TTC6: variants seen among roughly 807,000 people sequenced by gnomAD.
TTC6 encodes tetratricopeptide repeat domain 6.
TTC6 carries 172 observed loss-of-function variants against 210.4 expected under a neutral mutation model. That is an observed-to-expected ratio of 0.82 (90% CI 0.72 to 0.93). The LOEUF (loss-of-function observed/expected upper bound fraction) is 0.93. Among genes scored for constraint, TTC6 ranks in the 40% least tolerant of loss-of-function variants. TTC6 has a pLI of 0.00. For missense variants in TTC6, 2,414 were observed against 2,318.1 expected (o/e 1.04, Z -0.85); for synonymous variants, 804 against 819.6 (o/e 0.98, Z 0.32).
chr14:37,628,299 A>G (rs1189159155), intron 1 of TTC6, among the ~76,000 whole-genome samples: 1 of 152,142 alleles, frequency 6.6e-6, no homozygotes, highest in Non-Finnish European at 1.5e-5. Context: ...AATGATTGCC[A>G]TTCTAACTGG....
intron 29 of TTC6, among the ~76,000 whole-genome samples, chr14:37,835,958 T>C (rs1053238011): frequency 1.3e-5 from 2 of 152,184 alleles, no homozygotes; most frequent in Admixed American, 1.3e-4. Context: ...TACATTTCTC[T>C]GCTCAGAAAG....
intron 1 of TTC6, among the ~76,000 whole-genome samples, chr14:37,646,157 C>A (rs2095701227): frequency 6.6e-6 from 1 of 152,060 alleles, no homozygotes; most frequent in Non-Finnish European, 1.5e-5. Flanking sequence ...GGTAGCAGAC[C>A]AGGCGTATGT....
At chr14:37,822,379 G>T (rs539762520) in intron 26 of TTC6, among the ~76,000 whole-genome samples, 16 of 152,186 alleles carry the variant, frequency 1.1e-4, no homozygotes, top group Middle Eastern at 3.2e-3. Context: ...AGATACTCTT[G>T]AGTAACCTCT....
intron 14 of TTC6, among the ~76,000 whole-genome samples, chr14:37,784,868 C>G (rs1189352300): frequency 2.6e-5 from 4 of 152,152 alleles, no homozygotes; most frequent in Non-Finnish European, 5.9e-5. Flanking sequence ...TTTTATTTCT[C>G]CTTCACCTTT....
chr14:37,764,355 TA>T (rs2095992563), intron 14 of TTC6, among the ~76,000 whole-genome samples: 1 of 152,194 alleles, frequency 6.6e-6, no homozygotes, highest in Non-Finnish European at 1.5e-5. Context: ...GTTCTATTCA[TA>T]ATTGAAAGTG....
exon 15 of TTC6, chr14:37,787,532 G>T (rs772874757): frequency 6.5e-7 from 1 of 1,531,992 alleles, no homozygotes; most frequent in South Asian, 1.2e-5. Context: ...AGATTTTTCT[G>T]CTGCAATTCA....
intron 5 of TTC6, among the ~76,000 whole-genome samples, chr14:37,713,422 G>T (rs1195317911): frequency 6.6e-6 from 1 of 152,162 alleles, no homozygotes; most frequent in African/African-American, 2.4e-5. Flanking sequence ...TATTTTAGTA[G>T]AGACGAGGTT....
At chr14:37,725,161 A>G (rs906266871) in intron 7 of TTC6, among the ~76,000 whole-genome samples, 159 bp downstream of exon 9, 1 of 150,616 alleles carries the variant, frequency 6.6e-6, no homozygotes, top group Admixed American at 6.6e-5. Context: ...GAAGTTATTT[A>G]TATATGTAAA....
rs765253678 is a variant in TTC6, at chr14:37,787,454, CT to C, written c.3267-6del. 1.2e-5 allele frequency: 18 copies of C among 1,480,358 alleles called. No homozygotes were observed. The highest frequency in any genetic ancestry group is 4.9e-5 in the East Asian group (2 of 40,442). 91.7% of individuals were successfully genotyped at this position (1,480,358 alleles called of 1,614,324 possible). A position where few individuals can be genotyped will look rare whatever the true frequency, so the allele number is the denominator to read the frequency against. On this transcript the variant is annotated splice_polypyrimidine_tract_variant and intron_variant, in intron 14 of 30. Coordinates refer to ENST00000553443, the Ensembl canonical transcript of TTC6. ...ACTTTACAGTACTTGTTAAAACAAA[CT>C]TTTTTTTCCTAGGACATACCGAGGG...
At chr14:37,789,043 A>G (rs1408969376) in intron 15 of TTC6, among the ~76,000 whole-genome samples, 2 of 152,182 alleles carry the variant, frequency 1.3e-5, no homozygotes, top group Admixed American at 6.5e-5. Context: ...TCCAGAGCAG[A>G]CAAACTTGAT....
At chr14:37,689,286 G>C (rs2095799301) in intron 3 of TTC6, among the ~76,000 whole-genome samples, 1 of 151,768 alleles carries the variant, frequency 6.6e-6, no homozygotes, top group Non-Finnish European at 1.5e-5. Context: ...AAAGAAAAAA[G>C]AATAAAACAC....
intron 3 of TTC6, among the ~76,000 whole-genome samples, chr14:37,683,796 T>C (rs2095788895): frequency 6.6e-6 from 1 of 152,174 alleles, no homozygotes; most frequent in African/African-American, 2.4e-5. Context: ...GGAGGATTGT[T>C]GTATTAATTC....
At chr14:37,732,418 C>T (rs1393138846) in intron 7 of TTC6, among the ~76,000 whole-genome samples, 2 of 151,578 alleles carry the variant, frequency 1.3e-5, no homozygotes, top group South Asian at 2.1e-4. Context: ...CTCCTGACCT[C>T]GTGATCTGCC....
At chr14:37,838,613 T>C (rs1191079702) in intron 29 of TTC6, among the ~76,000 whole-genome samples, 2 of 152,206 alleles carry the variant, frequency 1.3e-5, no homozygotes, top group Non-Finnish European at 2.9e-5. Flanking sequence ...AAAATTCCCT[T>C]GTGGTTGAGC....
intron 2 of TTC6, among the ~76,000 whole-genome samples, chr14:37,608,026 T>G (rs1161929381): frequency 6.6e-6 from 1 of 152,190 alleles, no homozygotes; most frequent in Non-Finnish European, 1.5e-5. Context: ...GAGTTGAATA[T>G]TTTTATATCT....
chr14:37,657,120 G>A (rs1194483403), intron 1 of TTC6, among the ~76,000 whole-genome samples: 2 of 148,526 alleles, frequency 1.3e-5, no homozygotes, highest in East Asian at 4.0e-4. Context: ...GCTGAGGCAG[G>A]AGAACCGCTT....
At chr14:37,695,055 A>G (rs1419331862) in intron 3 of TTC6, among the ~76,000 whole-genome samples, 2 of 151,720 alleles carry the variant, frequency 1.3e-5, no homozygotes, top group African/African-American at 4.8e-5. Context: ...AAAAAAAAAA[A>G]AAAAAAAAAG....
intron 14 of TTC6, among the ~76,000 whole-genome samples, chr14:37,766,186 A>G: frequency 6.6e-6 from 1 of 152,168 alleles, no homozygotes; most frequent in East Asian, 1.9e-4. Flanking sequence ...TGGAACTCAC[A>G]ACATATGCAT....
chr14:37,718,217 C>A (rs1335022039), intron 6 of TTC6, among the ~76,000 whole-genome samples: 1 of 152,146 alleles, frequency 6.6e-6, no homozygotes, highest in Non-Finnish European at 1.5e-5. Context: ...GAATTATCCA[C>A]CAGGACTTTA....
Sources: allele counts gnomAD v4.1 joint callset (sites outside exome capture counted in the v4.1 genomes callset), GRCh38; gene constraint gnomAD v4.1.1; transcripts MANE v1.5; gene names NCBI Gene and HGNC (gene_info 2026-07-23, HGNC 2026-07-21).